Variants in ASCC2 observed in about 807,000 individuals in gnomAD.
ASCC2 encodes ASC-1 complex subunit P100.
ASCC2 carries 42 observed loss-of-function variants against 93.5 expected under a neutral mutation model. That is an observed-to-expected ratio of 0.45 (90% CI 0.35 to 0.58). The LOEUF (loss-of-function observed/expected upper bound fraction) is 0.58, where lower values mean the gene tolerates loss of function less well. ASCC2 is among the 20% of genes least tolerant of loss of function. ASCC2 has a pLI of 0.00. For synonymous variants in ASCC2, 364 were observed against 384.2 expected, an observed-to-expected ratio of 0.95 and a Z score of 0.62; for missense variants, 859 against 977.6, an observed-to-expected ratio of 0.88 and a Z score of 1.62.
chr22:29,837,085 A>G (rs1481143040), intron 1 of ASCC2, among the ~76,000 whole-genome samples: 1 of 152,196 alleles, frequency 6.6e-6, no homozygotes. Flanking sequence ...TGGCTTGAGG[A>G]AGAAGTGATG....
At chr22:29,834,107 C>A (rs1202676816) in intron 1 of ASCC2, 2 of 169,998 alleles carry the variant, frequency 1.2e-5, no homozygotes, top group East Asian at 3.5e-4. Context: ...CTATTATTAT[C>A]CTCATTTTAT....
At chr22:29,791,355 C>A (rs988637332) in intron 18 of ASCC2, among the ~76,000 whole-genome samples, 8 of 151,628 alleles carry the variant, frequency 5.3e-5, no homozygotes, top group Non-Finnish European at 2.9e-5. Context: ...CCAGCCTAGG[C>A]GACAAAGCGA....
chr22:29,806,385 T>A, intron 11 of ASCC2, 95 bp from the exon 12 acceptor site: 4 of 1,568,574 alleles, frequency 2.6e-6, no homozygotes, highest in Non-Finnish European at 3.5e-6. Flanking sequence ...AGCCCGACCT[T>A]ATTAGAGCTG....
chr22:29,801,608 G>T (rs923092664), intron 14 of ASCC2, among the ~76,000 whole-genome samples: 1 of 152,194 alleles, frequency 6.6e-6, no homozygotes. Context: ...TAAATGGTAG[G>T]TGTGATGAAA....
intron 5 of ASCC2, among the ~76,000 whole-genome samples, chr22:29,819,505 ATAT>A (rs2061305599): frequency 6.6e-6 from 1 of 152,128 alleles, no homozygotes; most frequent in African/African-American, 2.4e-5. Flanking sequence ...ATGGGTAGGT[ATAT>A]TATTAGTCTT....
At chr22:29,808,243 A>G in intron 8 of ASCC2, 58 bp from the exon 9 acceptor site, 1 of 1,544,286 alleles carries the variant, frequency 6.5e-7, no homozygotes, top group East Asian at 2.2e-5. Flanking sequence ...ACACTTCATA[A>G]GAACATCAAA....
In ASCC2 at chr22:29,806,785, G is replaced by C. The variant is rs737945; in HGVS notation, c.1016+12C>G. 0.44 allele frequency: 708,615 copies of C among 1,598,230 alleles called. 161,433 individuals are homozygous for C. Among genetic ancestry groups the C allele is most frequent in the East Asian group, 0.72 (32,019 of 44,772 alleles). On this transcript the variant is annotated intron_variant, in intron 10 of 19. Transcript: ENST00000307790. ...AGACTCTTCCACCAGGAGGCAATTC[G>C]TGAGGGCTTACCTGCTTTCTAGGAT...
chr22:29,802,499 A>T (rs529197886), intron 13 of ASCC2, among the ~76,000 whole-genome samples: 3,029 of 152,226 alleles, frequency 0.02, 82 homozygotes, highest in African/African-American at 0.058. Flanking sequence ...AAACAAAAAA[A>T]AAAAATAAAA....
intron 14 of ASCC2, among the ~76,000 whole-genome samples, 173 bp from the exon 15 acceptor site, chr22:29,801,283 G>A (rs1048166971): frequency 5.9e-5 from 9 of 152,198 alleles, no homozygotes; most frequent in African/African-American, 1.9e-4. Context: ...GCCTGATCTG[G>A]CCTCTGCCTG....
intron 2 of ASCC2, among the ~76,000 whole-genome samples, chr22:29,827,980 C>CACACACA: frequency 7.0e-6 from 1 of 143,064 alleles, no homozygotes; most frequent in African/African-American, 2.7e-5. Flanking sequence ...CACACACACA[C>CACACACA]CCCTGAGATT....
Position 29,789,080 on chromosome 22 carries a change from G to T in ASCC2, c.2207C>A (p.Thr736Lys). ...GGTTCTCCGGTTGTGGTTGGCTCTT[G>T]TCGCCTTGTTGGCTTCCTTCTTCCT... ...ERRKKEANKA[T>K]RANHNRRTMA... The change falls in exon 20 of 20, where the codon ACA (threonine) becomes AAA (lysine). Residue 736 changes from threonine to lysine, a missense_variant. Coordinates refer to ENST00000307790, the MANE Select transcript of ASCC2 (RefSeq NM_032204.5). The T allele has an allele frequency of 6.2e-7, 1 of 1,614,190 alleles. No individual in the cohort carries two copies. Among genetic ancestry groups the T allele is most frequent in the Non-Finnish European group, 8.5e-7 (1 of 1,180,032 alleles).
At chr22:29,829,370 A>G (rs1172146433) in intron 2 of ASCC2, among the ~76,000 whole-genome samples, 1 of 152,168 alleles carries the variant, frequency 6.6e-6, no homozygotes, top group African/African-American at 2.4e-5. Context: ...CCGAGTCTAT[A>G]GAACACCACC....
At chr22:29,831,301 G>T (rs1299080800) in intron 2 of ASCC2, among the ~76,000 whole-genome samples, 6 of 152,214 alleles carry the variant, frequency 3.9e-5, no homozygotes, top group African/African-American at 1.4e-4. Context: ...GCCTGGCTAG[G>T]CTCCCATCCT....
chr22:29,805,000 T>C (rs961172513), intron 12 of ASCC2, among the ~76,000 whole-genome samples, 170 bp from the exon 13 acceptor site: 1 of 152,132 alleles, frequency 6.6e-6, no homozygotes, highest in Non-Finnish European at 1.5e-5. Flanking sequence ...TGGGCCAGAC[T>C]ACAGCCACTC....
At chr22:29,813,172 C>T (rs762024929) in intron 8 of ASCC2, among the ~76,000 whole-genome samples, 19 of 152,226 alleles carry the variant, frequency 1.2e-4, no homozygotes, top group Non-Finnish European at 2.5e-4. Flanking sequence ...TGAGCCAACG[C>T]GCCCAGCCCA....
chr22:29,808,068 T>C, intron 9 of ASCC2, 43 bp downstream of exon 9: 1 of 1,606,910 alleles, frequency 6.2e-7, no homozygotes, highest in Non-Finnish European at 8.5e-7. Flanking sequence ...TGCTCGGGCC[T>C]CTCTGTCCCA....
rs2060506372 is a variant in ASCC2, at chr22:29,813,508, G to T, written c.755C>A (p.Thr252Asn). The change falls in exon 8 of 20, where the codon ACC becomes AAC. Residue 252 changes from threonine (T) to asparagine (N), a missense_variant. Coordinates refer to ENST00000307790, the MANE Select transcript of ASCC2 (RefSeq NM_032204.5). ...CAGAAAGGCCCAAAGTGTGGTGCAG[G>T]TATCACAAAGGTAGAGAACAATGTC... ...LKDIVLYLCD[T>N]CTTLWAFLDI... is the part of the protein sequence containing the mutation. 1 of 1,614,000 alleles carries T rather than the reference G, an allele frequency of 6.2e-7. No individual in the cohort carries two copies. Among genetic ancestry groups the T allele is most frequent in the Non-Finnish European group, 8.5e-7 (1 of 1,179,848 alleles).
In ASCC2 at chr22:29,825,646, C is replaced by A; in HGVS notation, c.216G>T (p.Leu72Phe). 3 of 1,614,210 alleles carry A rather than the reference C, an allele frequency of 1.9e-6. No homozygotes were observed. The highest frequency in any genetic ancestry group is 2.5e-6 in the Non-Finnish European group (3 of 1,180,030). Reference protein sequence around the residue: ...VANDLDWLLALPHDKFWCQVI... With the variant: ...VANDLDWLLAFPHDKFWCQVI... ...CCTGGCACCAGAATTTATCGTGAGG[C>A]AAGGCCAGGAGCCAGTCGAGGTCAT... The change falls in exon 3 of 20, where the codon TTG (leucine) becomes TTT (phenylalanine). Residue 72 changes from leucine to phenylalanine, a missense_variant. Leu to Phe is a conservative substitution (Grantham distance 22). Transcript: ENST00000307790. The surrounding 1 kb of genome is among the most constrained non-coding windows in gnomAD (Gnocchi z 4.9).
In ASCC2 at chr22:29,804,683, T is replaced by C; in HGVS notation, c.1308A>G (p.Ala436=). The part of the protein sequence containing the change: ...EPNGVTVTAE[A]VSQASSHPEN... Reference sequence around the variant, plus strand: ...CCGGATGTGATGATGCTTGACTGACTGCCTCTGCTGTCACCGTGACCCCGT... The same window carrying C: ...CCGGATGTGATGATGCTTGACTGACCGCCTCTGCTGTCACCGTGACCCCGT... Residue 436 remains alanine (A), a synonymous_variant, in exon 13 of 20, where the codon GCA becomes GCG. Transcript: ENST00000307790. 11 of 1,614,160 alleles carry C rather than the reference T, an allele frequency of 6.8e-6. No individual in the cohort carries two copies. The highest frequency in any genetic ancestry group is 9.3e-6 in the Non-Finnish European group (11 of 1,180,014).
Sources: allele counts gnomAD v4.1 joint callset (sites outside exome capture counted in the v4.1 genomes callset), GRCh38; gene constraint gnomAD v4.1.1; non-coding constraint Gnocchi (gnomAD v3.1); transcripts MANE v1.5; gene names NCBI Gene and HGNC (gene_info 2026-07-23, HGNC 2026-07-21).